Variants in MAGI1 observed in about 807,000 individuals in gnomAD.
MAGI1 encodes the protein membrane associated guanylate kinase, WW and PDZ domain containing 1.
A neutral mutation model predicts 139.9 loss-of-function variants in MAGI1; 58 were observed. That is an observed-to-expected ratio of 0.41 (90% CI 0.34 to 0.52). The LOEUF (loss-of-function observed/expected upper bound fraction) is 0.52, where lower values mean the gene tolerates loss of function less well. MAGI1 is among the 20% of genes least tolerant of loss of function. The pLI, the probability that MAGI1 is intolerant of heterozygous loss-of-function variation, is 0.12. For missense variants in MAGI1, 1,874 were observed against 1,901.6 expected (o/e 0.99, Z 0.27); for synonymous variants, 812 against 737.9 (o/e 1.10, Z -1.63).
At chr3:65,378,330 C>T (rs113170696) in intron 17 of MAGI1, among the ~76,000 whole-genome samples, 120 of 152,016 alleles carry the variant, frequency 7.9e-4, no homozygotes, top group Non-Finnish European at 1.3e-3. Flanking sequence ...ACAGGAAAAT[C>T]GAATGACTCT....
intron 1 of MAGI1, among the ~76,000 whole-genome samples, chr3:65,942,945 C>G (rs1341683229): frequency 6.6e-6 from 1 of 152,098 alleles, no homozygotes; most frequent in Admixed American, 6.5e-5. Flanking sequence ...CCCTTGAACT[C>G]GGGAGGTGGA....
intron 1 of MAGI1, among the ~76,000 whole-genome samples, chr3:66,001,628 C>T (rs1335120980): frequency 6.6e-6 from 1 of 152,166 alleles, no homozygotes; most frequent in African/African-American, 2.4e-5. Flanking sequence ...CTTAAAATCA[C>T]ATGACAAATA....
chr3:65,723,230 G>A (rs2033243536), intron 1 of MAGI1, among the ~76,000 whole-genome samples: 1 of 152,214 alleles, frequency 6.6e-6, no homozygotes, highest in Non-Finnish European at 1.5e-5. Context: ...TTGTGGCACT[G>A]TGGGTACACC....
At chr3:65,998,426 C>G (rs2066571082) in intron 1 of MAGI1, among the ~76,000 whole-genome samples, 4 of 151,932 alleles carry the variant, frequency 2.6e-5, no homozygotes, top group Admixed American at 2.6e-4. Flanking sequence ...TCTCAATAAA[C>G]ATTTGCTGAA....
intron 2 of MAGI1, among the ~76,000 whole-genome samples, chr3:65,555,104 C>T (rs1352664381): frequency 6.6e-6 from 1 of 152,170 alleles, no homozygotes; most frequent in Non-Finnish European, 1.5e-5. Context: ...ACACGCCATA[C>T]AATTTTTGTA....
At chr3:65,381,413 T>G (rs3772193) in intron 16 of MAGI1, among the ~76,000 whole-genome samples, 1 of 151,442 alleles carries the variant, frequency 6.6e-6, no homozygotes, top group African/African-American at 2.4e-5. Context: ...ACAACTTTCT[T>G]GTAGAAAGAA....
intron 3 of MAGI1, among the ~76,000 whole-genome samples, chr3:65,482,910 T>C (rs1371095832): frequency 2.0e-5 from 3 of 152,180 alleles, no homozygotes; most frequent in Non-Finnish European, 2.9e-5. Flanking sequence ...CTAAAGCCAA[T>C]TCACATGAAC....
In MAGI1 at chr3:65,916,856, G is replaced by A. The variant is rs192389030; in HGVS notation, c.313+121140C>T. Reference sequence around the variant, plus strand: ...CAGAGAAACCAAATAATGAAATAATGAGGATAGGAGAAGACAGTTGTCAGG... The same window carrying A: ...CAGAGAAACCAAATAATGAAATAATAAGGATAGGAGAAGACAGTTGTCAGG... On this transcript the variant is annotated intron_variant, in intron 1 of 22. Coordinates refer to ENST00000402939, the MANE Select transcript of MAGI1 (RefSeq NM_001033057.2). Among the ~76,000 whole-genome samples the A allele has an allele frequency of 1.8e-4, 28 of 152,090 alleles. No homozygotes were observed. The East Asian group carries it at 5.0e-3, about 27-fold the overall frequency.
intron 1 of MAGI1, among the ~76,000 whole-genome samples, chr3:65,868,979 T>A (rs913132261): frequency 1.3e-5 from 2 of 151,986 alleles, no homozygotes; most frequent in African/African-American, 4.8e-5. Flanking sequence ...ACATACCTCA[T>A]AATTACTGCC....
intron 2 of MAGI1, among the ~76,000 whole-genome samples, chr3:65,542,144 A>G (rs562327636): frequency 1.3e-5 from 2 of 152,312 alleles, no homozygotes; most frequent in East Asian, 3.9e-4. Context: ...AAGAGAGCCA[A>G]ATAATGAGTG....
chr3:65,786,600 G>A (rs1559882065), intron 1 of MAGI1, among the ~76,000 whole-genome samples: 2 of 133,740 alleles, frequency 1.5e-5, no homozygotes. Flanking sequence ...ACCACGCCTG[G>A]CCCAAGAATT....
chr3:65,717,904 C>T (rs563259542), intron 1 of MAGI1, among the ~76,000 whole-genome samples: 27 of 152,282 alleles, frequency 1.8e-4, no homozygotes, highest in African/African-American at 6.5e-4. Flanking sequence ...CATAAACCTA[C>T]TGTAATAGCA....
chr3:65,602,876 A>G (rs561961750), intron 2 of MAGI1, among the ~76,000 whole-genome samples: 4 of 152,220 alleles, frequency 2.6e-5, no homozygotes, highest in African/African-American at 9.6e-5. Context: ...AGGAGAAATC[A>G]TATATGATCA....
chr3:65,519,389 T>C (rs1385940546), intron 2 of MAGI1, among the ~76,000 whole-genome samples: 1 of 149,354 alleles, frequency 6.7e-6, no homozygotes, highest in Non-Finnish European at 1.5e-5. Flanking sequence ...CACACACATA[T>C]ATATAATTTT....
intron 10 of MAGI1, among the ~76,000 whole-genome samples, chr3:65,432,455 T>G (rs973414406): frequency 6.6e-6 from 1 of 152,250 alleles, no homozygotes; most frequent in Non-Finnish European, 1.5e-5. Flanking sequence ...TGGGCATGCA[T>G]ACAATTTTTA....
intron 1 of MAGI1, among the ~76,000 whole-genome samples, chr3:65,965,654 T>G (rs2064701585): frequency 6.6e-6 from 1 of 151,816 alleles, no homozygotes; most frequent in Non-Finnish European, 1.5e-5. Context: ...GGACTCTGTT[T>G]CACCCTTTTT....
intron 13 of MAGI1, among the ~76,000 whole-genome samples, chr3:65,396,901 G>A (rs1484936560): frequency 1.3e-5 from 2 of 152,170 alleles, no homozygotes; most frequent in African/African-American, 2.4e-5. Context: ...CAAAAAGGTG[G>A]GCGAGAGGAG....
At chr3:65,607,147 G>T (rs2082784381) in intron 2 of MAGI1, among the ~76,000 whole-genome samples, 1 of 150,770 alleles carries the variant, frequency 6.6e-6, no homozygotes, top group African/African-American at 2.4e-5. Flanking sequence ...CTGTAATATG[G>T]TTTGGGATGC....
At chr3:65,401,935 A>T (rs1314181066) in intron 12 of MAGI1, 6 of 982,198 alleles carry the variant, frequency 6.1e-6, no homozygotes, top group African/African-American at 1.7e-5. Context: ...AATTAAAAAA[A>T]TTTTTTTGGT....
Sources: allele counts gnomAD v4.1 joint callset (sites outside exome capture counted in the v4.1 genomes callset), GRCh38; gene constraint gnomAD v4.1.1; transcripts MANE v1.5; gene names NCBI Gene and HGNC (gene_info 2026-07-23, HGNC 2026-07-21).